The following MDN1 variants were observed in gnomAD, a reference collection of about 807,000 sequenced individuals.
MDN1 encodes the protein midasin.
MDN1 carries 266 observed loss-of-function variants against 669.2 expected under a neutral mutation model. The observed-to-expected ratio is 0.40, with a 90% CI of 0.36 to 0.44. MDN1 has a LOEUF of 0.44. MDN1 is among the 20% of genes least tolerant of loss of function. MDN1 has a pLI of 1.00. For synonymous variants in MDN1, 2,385 were observed against 2,457.1 expected, an observed-to-expected ratio of 0.97 and a Z score of 0.87; for missense variants, 5,940 against 6,754.0, an observed-to-expected ratio of 0.88 and a Z score of 4.22.
chr6:89,739,751 T>C (rs1372365803), intron 32 of MDN1, among the ~76,000 whole-genome samples: 4 of 152,206 alleles, frequency 2.6e-5, no homozygotes, highest in Non-Finnish European at 5.9e-5. Context: ...GTGACACACA[T>C]AACCCTTACG....
intron 85 of MDN1, 116 bp from the exon 86 acceptor site, chr6:89,663,083 T>C: frequency 8.7e-7 from 1 of 1,148,956 alleles, no homozygotes; most frequent in Non-Finnish European, 1.3e-6. Context: ...TTATTGCCTT[T>C]TTCTACAGAA....
chr6:89,771,698 T>C, intron 14 of MDN1, 77 bp from the exon 15 acceptor site: 2 of 1,250,156 alleles, frequency 1.6e-6, no homozygotes, highest in South Asian at 2.5e-5. Flanking sequence ...CTTAAGGCTG[T>C]GGGAATATGG....
In MDN1 at chr6:89,718,809, G is replaced by A; in HGVS notation, c.6279C>T (p.Asn2093=). The change falls in exon 42 of 102, where the codon AAC becomes AAT. Residue 2093 remains asparagine (N), a synonymous_variant. Transcript: ENST00000369393. ...TGHTLKIMAM[N]SAMDTTELLG... is the part of the protein sequence containing the mutation. ...GCAGCTCAGTAGTATCCATTGCACT[G>A]TTCATAGCCATGATCTTTAATGTGT... The A allele has an allele frequency of 6.2e-7, 1 of 1,614,212 alleles. No individual in the cohort carries two copies. The highest frequency in any genetic ancestry group is 8.5e-7 in the Non-Finnish European group (1 of 1,180,050).
rs547963141 is a variant in MDN1, at chr6:89,795,486, C to T, written c.330-685G>A. ...GGTATGGTGGAGCCTGAAGCCTATT[C>T]AGGAGCCTGAAGCTGGAAGATCATT... On this transcript the variant is annotated intron_variant, in intron 2 of 101. Coordinates refer to ENST00000369393, the MANE Select transcript of MDN1 (RefSeq NM_014611.3). Among the ~76,000 whole-genome samples, 9 of 151,844 alleles carry T rather than the reference C, an allele frequency of 5.9e-5. No homozygotes were observed. The East Asian group carries it at 1.7e-3, about 29-fold the overall frequency.
intron 68 of MDN1, 121 bp from the exon 69 acceptor site, chr6:89,687,144 C>A: frequency 1.4e-6 from 2 of 1,396,306 alleles, no homozygotes; most frequent in East Asian, 2.3e-5. Flanking sequence ...AGGAGCCACC[C>A]AGTTTCCTCC....
chr6:89,752,149 A>G (rs979852798), intron 22 of MDN1, among the ~76,000 whole-genome samples: 3 of 152,224 alleles, frequency 2.0e-5, no homozygotes, highest in African/African-American at 7.2e-5. Flanking sequence ...GGTCAAATCT[A>G]TAACTATGGA....
Position 89,698,989 on chromosome 6 carries a change from G to A in MDN1, c.9044C>T (p.Ser3015Phe), listed in dbSNP as rs1812958975. Residue 3015 changes from serine (S) to phenylalanine (F), a missense_variant, in exon 59 of 102, where the codon TCC (serine) becomes TTC (phenylalanine). Around this residue, in one of 5 missense-constraint regions of MDN1, gnomAD observed 2,292 missense variants for 2,638.3 expected, o/e 0.87. Coordinates refer to ENST00000369393, the MANE Select transcript of MDN1 (RefSeq NM_014611.3). Reference protein sequence around the residue: ...ITSLWSELFNSMFMSFWSSTV... With the variant: ...ITSLWSELFNFMFMSFWSSTV... The stretch of plus-strand genomic sequence containing the variant: ...ACTGCTCCAGAAAGACATAAACATG[G>A]AATTAAATAACTCGGACCACAAAGA... The A allele has an allele frequency of 6.2e-7, 1 of 1,613,890 alleles. No individual in the cohort carries two copies.
At position 89,766,298 on chromosome 6, in the gene MDN1, C is replaced by CA. The variant is rs531200887; in HGVS notation, c.2145-3769dup. On this transcript the variant is annotated intron_variant, in intron 15 of 101. Transcript: ENST00000369393. ...TGGGCGACAGAGTTAGACTCCATCT[C>CA]AAAAAAAAAAAAGGAAAGCTCATTC... 2.1e-3 allele frequency among the ~76,000 whole-genome samples: 253 copies of CA among 122,704 alleles called. 2 individuals are homozygous for CA. Among genetic ancestry groups the CA allele is most frequent in the South Asian group, 0.018 (73 of 4,006 alleles). 80.5% of individuals were successfully genotyped at this position (122,704 alleles called of 152,430 possible).
chr6:89,695,625 G>C lies in MDN1; in HGVS notation c.9751C>G (p.Leu3251Val). 1 of 1,602,860 alleles carries C rather than the reference G, an allele frequency of 6.2e-7. No homozygotes were observed. The change falls in exon 61 of 102, where the codon CTC becomes GTC. Residue 3251 changes from leucine (L) to valine (V), a missense_variant. Physicochemically the swap from Leu to Val is conservative, Grantham distance 32. This residue lies in a region of MDN1 where 2,292 missense variants were observed against 2,638.3 expected (regional missense o/e 0.87). Transcript: ENST00000369393. This position sits in a 1 kb window ranked among gnomAD's most constrained non-coding sequence, Gnocchi z 4.1. ...CATACCTCTTCCTTGACGTAATTGA[G>C]CTTGTACTCCCTCTTCACCGCAGGG... ...FDPAVKREYK[L>V]NYVKEELHQL...
intron 37 of MDN1, 68 bp downstream of exon 37, chr6:89,727,765 G>A: frequency 6.2e-7 from 1 of 1,608,836 alleles, no homozygotes; most frequent in Non-Finnish European, 8.5e-7. Context: ...GTGAAATGGA[G>A]CTGTGAAAGG....
chr6:89,797,809 A>G (rs1819686471), intron 2 of MDN1: 1 of 268,290 alleles, frequency 3.7e-6, no homozygotes, highest in African/African-American at 2.3e-5. Context: ...GATGCTCATT[A>G]ATGAATGATG....
In MDN1 at chr6:89,700,157, TGGTGAG is replaced by T; in HGVS notation, c.8770_8775del (p.Leu2924_Thr2925del). Reference sequence around the variant, plus strand: ...ATTGCAGGCCACAACTGAACACTCCTGGTGAGGTGGATTACGGAGGTCAAGTCTGGA... The same window carrying T: ...ATTGCAGGCCACAACTGAACACTCCTGTGGATTACGGAGGTCAAGTCTGGA... On this transcript the variant is annotated inframe_deletion, in exon 57 of 102. Coordinates refer to ENST00000369393, the MANE Select transcript of MDN1 (RefSeq NM_014611.3). The T allele has an allele frequency of 6.2e-7, 1 of 1,614,170 alleles. No individual in the cohort carries two copies. The highest frequency in any genetic ancestry group is 8.5e-7 in the Non-Finnish European group (1 of 1,180,018).
Position 89,673,651 on chromosome 6 carries a change from A to G in MDN1, c.13248-189T>C, listed in dbSNP as rs576505434. ...AGAGGACTGAAGCACAATTATTTTC[A>G]TAATTTGATTCTATTACTAAACACC... is the stretch of plus-strand genomic sequence containing the variant. On this transcript the variant is annotated intron_variant, in intron 79 of 101. Coordinates refer to ENST00000369393, the MANE Select transcript of MDN1 (RefSeq NM_014611.3). The G allele has an allele frequency of 7.3e-4, 423 of 576,336 alleles. 2 individuals are homozygous for G. Among genetic ancestry groups the G allele is most frequent in the Admixed American group, 3.0e-3 (91 of 29,962 alleles). The allele number at this position is 576,336 out of a possible 1,614,324, so 35.7% of individuals were successfully genotyped here.
chr6:89,751,352 G>A (rs761219577), intron 23 of MDN1, 79 bp downstream of exon 23: 3 of 1,528,242 alleles, frequency 2.0e-6, no homozygotes, highest in South Asian at 2.4e-5. Context: ...CTCTTTGAAA[G>A]TTAAGGAAGT....
chr6:89,669,919 A>G (rs1810520959), intron 83 of MDN1, among the ~76,000 whole-genome samples: 1 of 151,640 alleles, frequency 6.6e-6, no homozygotes, highest in African/African-American at 2.4e-5. Context: ...TAAAGAAAAA[A>G]ACTGGCTGGG....
intron 76 of MDN1, 128 bp from the exon 77 acceptor site, chr6:89,676,335 G>A (rs998511312): frequency 2.7e-6 from 2 of 752,780 alleles, no homozygotes; most frequent in African/African-American, 3.4e-5. Context: ...TTATTTCTAT[G>A]AGGAATCATT....
chr6:89,771,685 C>T, intron 14 of MDN1, 64 bp from the exon 15 acceptor site: 1 of 1,359,070 alleles, frequency 7.4e-7, no homozygotes, highest in Non-Finnish European at 1.0e-6. Context: ...ATCCAGTGTG[C>T]TCCTTAAGGC....
intron 78 of MDN1, among the ~76,000 whole-genome samples, chr6:89,675,075 A>C (rs1811091074): frequency 6.6e-6 from 1 of 152,220 alleles, no homozygotes; most frequent in Non-Finnish European, 1.5e-5. Context: ...AAGCAGACTC[A>C]AATCTCATCG....
chr6:89,740,348 T>C lies in MDN1; in HGVS notation c.4479A>G (p.Leu1493=), dbSNP rs1204790070. The part of the protein sequence containing the change: ...SVLEVEKSLV[L]AEKGSPEDKD... ...TGTCCTCTGGACTGCCTTTTTCAGC[T>C]AATACCAGAGACTTTTCTACTTCAA... Residue 1493 remains leucine (L), a synonymous_variant, in exon 32 of 102, where the codon TTA becomes TTG. Coordinates refer to ENST00000369393, the MANE Select transcript of MDN1 (RefSeq NM_014611.3). The C allele has an allele frequency of 1.3e-6, 2 of 1,590,990 alleles. No individual in the cohort carries two copies. Among genetic ancestry groups the C allele is most frequent in the Admixed American group, 3.8e-5 (2 of 52,814 alleles).
Sources: gnomAD v4.1 joint callset for allele counts (sites outside exome capture counted in the v4.1 genomes callset) on GRCh38, gnomAD v4.1.1 for gene constraint, gnomAD v4.1.1 regional missense constraint, Gnocchi (gnomAD v3.1) non-coding constraint, MANE v1.5 for transcripts, NCBI Gene and HGNC (gene_info 2026-07-23, HGNC 2026-07-21) for gene names.